The following HECA variants were observed in gnomAD, a reference collection of about 807,000 sequenced individuals.
HECA encodes the protein headcase protein homolog.
A neutral mutation model predicts 37.6 loss-of-function variants in HECA; 13 were observed. That is an observed-to-expected ratio of 0.35 (90% confidence interval 0.23 to 0.55). HECA has a LOEUF of 0.55. Ranked by LOEUF, HECA falls within the 20% of genes least tolerant of loss-of-function variation. HECA has a pLI of 0.90. For synonymous variants in HECA, 307 were observed against 291.5 expected (o/e 1.05, Z -0.54); for missense variants, 527 against 701.9 (o/e 0.75, Z 2.82).
rs190404549 is a variant in HECA, at chr6:139,147,790, G to T, written c.271+12123G>T. ...TGGGAGATTGTGAACATTTGAACTG[G>T]CACTTCCTGTTCTTAATGGACCAGA... On this transcript the variant is annotated intron_variant, in intron 1 of 3. Coordinates refer to ENST00000367658, the MANE Select transcript of HECA (RefSeq NM_016217.3). Among the ~76,000 whole-genome samples, 23 of 152,264 alleles carry T rather than the reference G, an allele frequency of 1.5e-4. No individual in the cohort carries two copies. The East Asian group carries it at 3.9e-3, about 26-fold the overall frequency.
In HECA at chr6:139,165,784, C is replaced by T. The variant is rs149784038; in HGVS notation, c.272-500C>T. Among the ~76,000 whole-genome samples, 5 of 117,030 alleles carry T rather than the reference C, an allele frequency of 4.3e-5. No individual in the cohort carries two copies. In the East Asian group the frequency reaches 7.9e-4, roughly 19 times the overall value. 76.8% of individuals were successfully genotyped at this position (117,030 alleles called of 152,430 possible). On this transcript the variant is annotated intron_variant, in intron 1 of 3. Transcript: ENST00000367658. ...CATGTTTTCTGTCCTTTCTGGGAAC[C>T]GGCTTGGCTGTTTGCACAGTGTGGG...
At position 139,135,300 on chromosome 6, in the gene HECA, T is replaced by G; in HGVS notation, c.-97T>G. ...AACCGCCGGCTCGCGCCCTCCGTTC[T>G]TTCCCGGAGCCGGCTTCACGCAGGG... On this transcript the variant is annotated 5_prime_UTR_variant, in exon 1 of 4. Transcript: ENST00000367658. The G allele has an allele frequency of 2.9e-6, 3 of 1,028,592 alleles. No individual in the cohort carries two copies. Among genetic ancestry groups the G allele is most frequent in the Non-Finnish European group, 2.4e-6 (2 of 823,980 alleles). The allele number at this position is 1,028,592 out of a possible 1,614,324, so 63.7% of individuals were successfully genotyped here. A position where few individuals can be genotyped will look rare whatever the true frequency, so the allele number is the denominator to read the frequency against.
intron 1 of HECA, chr6:139,166,033 C>G (rs2114472139): frequency 2.6e-6 from 1 of 387,186 alleles, no homozygotes; most frequent in East Asian, 4.0e-5. Context: ...TTCTGGTATT[C>G]AGGACAACCT....
At chr6:139,138,441 C>T (rs951909678) in intron 1 of HECA, among the ~76,000 whole-genome samples, 1 of 152,146 alleles carries the variant, frequency 6.6e-6, no homozygotes, top group Admixed American at 6.5e-5. Context: ...TTTCACTGTT[C>T]AAGTCAGCTA....
At chr6:139,148,448 T>G (rs1395867877) in intron 1 of HECA, among the ~76,000 whole-genome samples, 1 of 152,222 alleles carries the variant, frequency 6.6e-6, no homozygotes, top group African/African-American at 2.4e-5. Flanking sequence ...CTTTTTAATT[T>G]GGAAGGCTCT....
At chr6:139,164,200 G>A (rs934908707) in intron 1 of HECA, among the ~76,000 whole-genome samples, 2 of 151,940 alleles carry the variant, frequency 1.3e-5, no homozygotes, top group African/African-American at 4.8e-5. Flanking sequence ...CGTGCCCCAC[G>A]CTGCCACCAG....
chr6:139,135,273 G>A lies in HECA; in HGVS notation c.-124G>A. ...GCCGTGCGGCTAGACGGGAGCCGAG[G>A]GAACCGCCGGCTCGCGCCCTCCGTT... On this transcript the variant is annotated 5_prime_UTR_variant, in exon 1 of 4. Transcript: ENST00000367658. The A allele has an allele frequency of 3.8e-6, 3 of 799,936 alleles. No homozygotes were observed. The highest frequency in any genetic ancestry group is 4.8e-6 in the Non-Finnish European group (3 of 629,380). 49.6% of individuals were successfully genotyped at this position (799,936 alleles called of 1,614,324 possible).
At chr6:139,158,146 C>A (rs1364185653) in intron 1 of HECA, among the ~76,000 whole-genome samples, 1 of 151,764 alleles carries the variant, frequency 6.6e-6, no homozygotes, top group Non-Finnish European at 1.5e-5. Flanking sequence ...CACTTAAGCC[C>A]AGGAGTTCAA....
chr6:139,146,657 C>A (rs1284123457), intron 1 of HECA, among the ~76,000 whole-genome samples: 1 of 152,036 alleles, frequency 6.6e-6, no homozygotes, highest in African/African-American at 2.4e-5. Context: ...ACGGAGAGCC[C>A]AGAACAGTGC....
chr6:139,155,760 T>G (rs986688221), intron 1 of HECA: 2 of 152,188 alleles, frequency 1.3e-5, no homozygotes, highest in Non-Finnish European at 2.9e-5. Flanking sequence ...GATCTAAATC[T>G]CCAAACAAGA....
At chr6:139,145,114 G>C (rs534614660) in intron 1 of HECA, among the ~76,000 whole-genome samples, 38 of 152,312 alleles carry the variant, frequency 2.5e-4, no homozygotes, top group African/African-American at 8.9e-4. Flanking sequence ...CATCTTACCA[G>C]TTTTTAAAAC....
At position 139,135,102 on chromosome 6, in the gene HECA, C is replaced by T. The variant is rs541623640; in HGVS notation, c.-295C>T. On this transcript the variant is annotated 5_prime_UTR_variant, in exon 1 of 4. Transcript: ENST00000367658. ...GTCAGTGCAGCCGAATCAAAACAAGCCGGAGACCCGCCTTTTCCCTCCGGC... is the reference window on the plus strand; with the variant it reads ...GTCAGTGCAGCCGAATCAAAACAAGTCGGAGACCCGCCTTTTCCCTCCGGC... 2.3e-3 allele frequency: 363 copies of T among 156,612 alleles called. 2 individuals carry two copies. The Middle Eastern group carries it at 0.062, about 27-fold the overall frequency. 9.7% of individuals were successfully genotyped at this position (156,612 alleles called of 1,614,324 possible).
chr6:139,144,680 A>G (rs1774557914), intron 1 of HECA: 1 of 152,284 alleles, frequency 6.6e-6, no homozygotes, highest in African/African-American at 2.4e-5. Context: ...GTTGTTGACA[A>G]GTTTGTAAAA....
At chr6:139,150,471 G>A (rs1774636931) in intron 1 of HECA, among the ~76,000 whole-genome samples, 2 of 95,518 alleles carry the variant, frequency 2.1e-5, no homozygotes, top group South Asian at 5.2e-4. Flanking sequence ...GTGAGAGTGG[G>A]GCTAAAAAAA....
At chr6:139,164,319 G>A (rs779680337) in intron 1 of HECA, among the ~76,000 whole-genome samples, 6 of 152,008 alleles carry the variant, frequency 3.9e-5, no homozygotes, top group Non-Finnish European at 7.4e-5. Context: ...TTCCCAATTG[G>A]GAGAGTAGTA....
Position 139,177,341 on chromosome 6 carries a change from C to T in HECA, c.*236C>T, listed in dbSNP as rs1482639588. ...TCCTGTGCATTTGGGTTGGGGTTCA[C>T]TCTTACCAAGAATCTTTGATGCAGC... is the stretch of plus-strand genomic sequence containing the variant. On this transcript the variant is annotated 3_prime_UTR_variant, in exon 4 of 4. Coordinates refer to ENST00000367658, the MANE Select transcript of HECA (RefSeq NM_016217.3). This position sits in a 1 kb window ranked among gnomAD's most constrained non-coding sequence, Gnocchi z 4.9. The T allele has an allele frequency of 1.2e-5, 4 of 329,812 alleles. No homozygotes were observed. Among genetic ancestry groups the T allele is most frequent in the Admixed American group, 4.5e-5 (1 of 22,152 alleles). The allele number at this position is 329,812 out of a possible 1,614,324, so 20.4% of individuals were successfully genotyped here. A position where few individuals can be genotyped will look rare whatever the true frequency, so the allele number is the denominator to read the frequency against.
chr6:139,154,204 C>G (rs1331687845), intron 1 of HECA, among the ~76,000 whole-genome samples: 1 of 152,138 alleles, frequency 6.6e-6, no homozygotes, highest in Non-Finnish European at 1.5e-5. Flanking sequence ...TGTGTATGTT[C>G]AATACAGACA....
At chr6:139,170,902 A>G (rs879756391) in intron 2 of HECA, among the ~76,000 whole-genome samples, 3 of 152,078 alleles carry the variant, frequency 2.0e-5, no homozygotes, top group Non-Finnish European at 4.4e-5. Flanking sequence ...GTGTGGACAG[A>G]ATGGAAGGGA....
intron 1 of HECA, among the ~76,000 whole-genome samples, chr6:139,142,873 A>G (rs1372051850): frequency 6.6e-6 from 1 of 152,192 alleles, no homozygotes; most frequent in East Asian, 1.9e-4. Flanking sequence ...ACTTGAACCC[A>G]GGAGGCGGAG....
Sources: gnomAD v4.1 joint callset for allele counts (sites outside exome capture counted in the v4.1 genomes callset) on GRCh38, gnomAD v4.1.1 for gene constraint, Gnocchi (gnomAD v3.1) non-coding constraint, MANE v1.5 for transcripts, NCBI Gene and HGNC (gene_info 2026-07-23, HGNC 2026-07-21) for gene names.